B4GALNT1: variants seen among roughly 807,000 people sequenced by gnomAD.
B4GALNT1 encodes beta-1,4-N-acetyl-galactosaminyltransferase 1, also known as beta-1,4 N-acetylgalactosaminyltransferase 1.
In B4GALNT1, 43 loss-of-function variants were observed where a neutral mutation model predicts 55.2. That is an observed-to-expected ratio of 0.78 (90% confidence interval 0.61 to 1.00). The LOEUF (loss-of-function observed/expected upper bound fraction) is 1.00, where lower values mean the gene tolerates loss of function less well. B4GALNT1 is among the 50% of genes least tolerant of loss of function. The probability of loss-of-function intolerance (pLI) is 0.00; values close to 1 mark genes in which losing one functional copy is unlikely to be tolerated. For missense variants in B4GALNT1, 664 were observed against 729.7 expected (o/e 0.91, Z 1.04); for synonymous variants, 305 against 311.6 (o/e 0.98, Z 0.22).
chr12:57,630,993 G>C lies in B4GALNT1; in HGVS notation c.477C>G (p.Ser159Arg), dbSNP rs1166020496. ...LQGVEVQPLRSILVPGLSLQA... is the reference protein window; with the variant it reads ...LQGVEVQPLRRILVPGLSLQA... Reference sequence around the variant, plus strand: ...CCTCCTCCCTACCTGGCACCAAGATGCTCCTGAGGGGCTGAACTTCCACAC... The same window carrying C: ...CCTCCTCCCTACCTGGCACCAAGATCCTCCTGAGGGGCTGAACTTCCACAC... The change falls in exon 4 of 11, where the codon AGC (serine) becomes AGG (arginine). Residue 159 changes from serine (S) to arginine (R), a missense_variant. Physicochemically the swap from Ser to Arg is moderately radical, Grantham distance 110. Coordinates refer to ENST00000341156, the MANE Select transcript of B4GALNT1 (RefSeq NM_001478.5). The C allele has an allele frequency of 1.9e-6, 3 of 1,613,000 alleles. No individual in the cohort carries two copies. Among genetic ancestry groups the C allele is most frequent in the Non-Finnish European group, 2.5e-6 (3 of 1,179,802 alleles).
chr12:57,630,615 TC>T lies in B4GALNT1; in HGVS notation c.491-98del, dbSNP rs967385145. On this transcript the variant is annotated intron_variant, in intron 4 of 10. Coordinates refer to ENST00000341156, the MANE Select transcript of B4GALNT1 (RefSeq NM_001478.5). ...TGTCACCACACACAATAGAGAACTT[TC>T]CACCTATTCTTCTTATTGAGGCCTC... The T allele has an allele frequency of 1.9e-5, 26 of 1,373,526 alleles. No individual in the cohort carries two copies. In the African/African-American group the frequency reaches 3.8e-4, roughly 20 times the overall value. The allele number at this position is 1,373,526 out of a possible 1,614,324, so 85.1% of individuals were successfully genotyped here.
rs1277946029 is a variant in B4GALNT1, at chr12:57,625,074, A to G, written c.*1670T>C. ...GGGGATCCTTGTGCTCAAGGGGTGC[A>G]TGTTCATGCTGTGTTTCGGGAGTGG... is the stretch of plus-strand genomic sequence containing the variant. On this transcript the variant is annotated 3_prime_UTR_variant, in exon 11 of 11. Transcript: ENST00000341156. 2 of 1,613,964 alleles carry G rather than the reference A, an allele frequency of 1.2e-6. No homozygotes were observed. The highest frequency in any genetic ancestry group is 1.7e-6 in the Non-Finnish European group (2 of 1,179,956).
intron 9 of B4GALNT1, 69 bp downstream of exon 9, chr12:57,628,053 C>A: frequency 6.3e-7 from 1 of 1,583,686 alleles, no homozygotes; most frequent in Non-Finnish European, 8.6e-7. Context: ...CTGGCCGCAG[C>A]GCCCCCGCTG....
chr12:57,624,570 T>G lies in B4GALNT1; in HGVS notation c.*2174A>C. 1.5e-6 allele frequency: 1 copy of G among 657,266 alleles called. No homozygotes were observed. The highest frequency in any genetic ancestry group is 1.8e-5 in the African/African-American group (1 of 56,552). The allele number at this position is 657,266 out of a possible 1,614,324, so 40.7% of individuals were successfully genotyped here. On this transcript the variant is annotated 3_prime_UTR_variant, in exon 11 of 11. Coordinates refer to ENST00000341156, the MANE Select transcript of B4GALNT1 (RefSeq NM_001478.5). ...GATTTGGGCCTGGCTGTGGGTGTGG[T>G]CTTCTCCATGATGACTGTGGTCTGC...
Position 57,626,674 on chromosome 12 carries a change from T to G in B4GALNT1, c.*70A>C, listed in dbSNP as rs1594975822. 6.4e-7 allele frequency: 1 copy of G among 1,563,020 alleles called. No individual in the cohort carries two copies. The highest frequency in any genetic ancestry group is 8.8e-7 in the Non-Finnish European group (1 of 1,138,266). On this transcript the variant is annotated 3_prime_UTR_variant, in exon 11 of 11. Transcript: ENST00000341156. ...GTAGAGTGCTCACAGGGTGGTGGGGTTTGTTGGAAATTCCTGGCAGGGACA... is the reference window on the plus strand; with the variant it reads ...GTAGAGTGCTCACAGGGTGGTGGGGGTTGTTGGAAATTCCTGGCAGGGACA...
At chr12:57,628,946 G>A in intron 7 of B4GALNT1, 43 bp from the exon 8 acceptor site, 1 of 1,611,268 alleles carries the variant, frequency 6.2e-7, no homozygotes. Flanking sequence ...AAGGAGGGTT[G>A]GGAGAGGGGA....
intron 4 of B4GALNT1, among the ~76,000 whole-genome samples, 173 bp from the exon 5 acceptor site, chr12:57,630,691 G>A (rs1047770547): frequency 4.6e-5 from 7 of 152,184 alleles, no homozygotes; most frequent in African/African-American, 1.4e-4. Flanking sequence ...TTTTGAGCCC[G>A]TCCCGTCAAA....
In B4GALNT1 at chr12:57,626,910, A is replaced by AC; in HGVS notation, c.1435dup (p.Val479GlyfsTer85). ...CAGTTTGGATGCATGATCCACCACGACGTCGGAGCAGGAGCCAACCCGAAG... is the reference window on the plus strand; with the variant it reads ...CAGTTTGGATGCATGATCCACCACGACCGTCGGAGCAGGAGCCAACCCGAAG... On this transcript the variant is annotated frameshift_variant, in exon 11 of 11. Transcript: ENST00000341156. LOFTEE classifies it high-confidence loss of function. The AC allele has an allele frequency of 6.2e-7, 1 of 1,614,198 alleles. No individual in the cohort carries two copies. The highest frequency in any genetic ancestry group is 8.5e-7 in the Non-Finnish European group (1 of 1,180,022).
At position 57,624,719 on chromosome 12, in the gene B4GALNT1, C is replaced by A. The variant is rs773696352; in HGVS notation, c.*2025G>T. The A allele has an allele frequency of 3.6e-6, 3 of 822,044 alleles. No individual in the cohort carries two copies. The Admixed American group carries it at 5.2e-5, about 14-fold the overall frequency. 50.9% of individuals were successfully genotyped at this position (822,044 alleles called of 1,614,324 possible). On this transcript the variant is annotated 3_prime_UTR_variant, in exon 11 of 11. Transcript: ENST00000341156. ...CTGGAAATCTGGCCCCACCTTCTTC[C>A]CTAGGGTGTAGTGCCTGGCACTTGG...
At position 57,626,838 on chromosome 12, in the gene B4GALNT1, C is replaced by T. The variant is rs199508436; in HGVS notation, c.1508G>A (p.Arg503Gln). Residue 503 changes from arginine (R) to glutamine (Q), a missense_variant, in exon 11 of 11, where the codon CGG (arginine) becomes CAG (glutamine). By Grantham distance (43) the Arg-to-Gln change is conservative. Transcript: ENST00000341156. ...SRDAGAETYARYRYPGSLDES... is the reference protein window; with the variant it reads ...SRDAGAETYAQYRYPGSLDES... ...GTCCAGTGATCCTGGGTAACGGTAC[C>T]GGGCGTAAGTCTCTGCTCCGGCATC... The T allele has an allele frequency of 9.9e-6, 16 of 1,614,194 alleles. No individual in the cohort carries two copies. Among genetic ancestry groups the T allele is most frequent in the South Asian group, 6.6e-5 (6 of 91,078 alleles).
intron 1 of B4GALNT1, 54 bp from the exon 2 acceptor site, chr12:57,632,187 G>A: frequency 2.0e-6 from 3 of 1,466,312 alleles, no homozygotes; most frequent in Middle Eastern, 1.7e-4. Flanking sequence ...GGAGGGCAAG[G>A]GATGGGGCCC....
In B4GALNT1 at chr12:57,628,112, C is replaced by T. The variant is rs956573343; in HGVS notation, c.1143+10G>A. On this transcript the variant is annotated intron_variant, in intron 9 of 10. Transcript: ENST00000341156. ...TTCTCCACCCCCACATCCTGCAGCC[C>T]CTGCCCTACCAGGTCCAGCGGCGTC... 6.2e-7 allele frequency: 1 copy of T among 1,613,468 alleles called. No individual in the cohort carries two copies. Among genetic ancestry groups the T allele is most frequent in the Non-Finnish European group, 8.5e-7 (1 of 1,180,020 alleles).
At position 57,624,736 on chromosome 12, in the gene B4GALNT1, G is replaced by A; in HGVS notation, c.*2008C>T. ...CCTTCTTCCCTAGGGTGTAGTGCCT[G>A]GCACTTGGACAGGCTGAGGGGACAG... On this transcript the variant is annotated 3_prime_UTR_variant, in exon 11 of 11. Transcript: ENST00000341156. 5.7e-6 allele frequency: 5 copies of A among 882,038 alleles called. No homozygotes were observed. The South Asian group carries it at 6.6e-5, about 12-fold the overall frequency. 54.6% of individuals were successfully genotyped at this position (882,038 alleles called of 1,614,324 possible).
chr12:57,627,802 C>G lies in B4GALNT1; in HGVS notation c.1200G>C (p.Leu400=), dbSNP rs1884932541. ...SGFATTYRQL[L]SVEPGAPGLG... ...GGCCTGGGGCGCCGGGCTCCACGCT[C>G]AGCAGCTGCCGATAAGTGGTGGCAA... The change falls in exon 10 of 11, where the codon CTG becomes CTC. Residue 400 remains leucine, a synonymous_variant. Transcript: ENST00000341156. 1.3e-6 allele frequency: 2 copies of G among 1,596,220 alleles called. No homozygotes were observed. The highest frequency in any genetic ancestry group is 2.7e-5 in the African/African-American group (2 of 74,774).
intron 8 of B4GALNT1, 170 bp downstream of exon 8, chr12:57,628,543 G>A: frequency 3.3e-6 from 3 of 903,572 alleles, no homozygotes; most frequent in East Asian, 2.7e-5. Context: ...AGAATTCAGA[G>A]AGAATTTCCT....
In B4GALNT1 at chr12:57,625,641, C is replaced by T. The variant is rs757181276; in HGVS notation, c.*1103G>A. 4.4e-6 allele frequency: 7 copies of T among 1,592,870 alleles called. No individual in the cohort carries two copies. The Admixed American group carries it at 6.9e-5, about 16-fold the overall frequency. On this transcript the variant is annotated 3_prime_UTR_variant, in exon 11 of 11. Transcript: ENST00000341156. ...CCTGGACAGGGTGACTCCAGATCAG[C>T]TGTTTGTGAGTGTGCAGGATGCAGC...
Position 57,630,128 on chromosome 12 carries a change from C to T in B4GALNT1, c.712+24G>A, listed in dbSNP as rs748435997. The T allele has an allele frequency of 1.4e-5, 23 of 1,614,096 alleles. 1 individual carries two copies. Among genetic ancestry groups the T allele is most frequent in the Middle Eastern group, 3.3e-4 (2 of 6,084 alleles). On this transcript the variant is annotated intron_variant, in intron 6 of 10. Coordinates refer to ENST00000341156, the MANE Select transcript of B4GALNT1 (RefSeq NM_001478.5). Reference sequence around the variant, plus strand: ...TTCTTCTCTGTTTGCCCAGCCTGCCCGTCTCTCCACCCAGGCCTTGCACCT... The same window carrying T: ...TTCTTCTCTGTTTGCCCAGCCTGCCTGTCTCTCCACCCAGGCCTTGCACCT...
rs372122596 is a variant in B4GALNT1, at chr12:57,631,322, C to G, written c.261G>C (p.Gly87=). The change falls in exon 3 of 11, where the codon GGG becomes GGC. Residue 87 remains glycine (G), a synonymous_variant. Transcript: ENST00000341156. ...WNNCSCESSG[G]GLPLPFQKQV... ...GTTTCTGGAAGGGGAGGGGGAGGCCCCCCCCACTGGACTCACAACTGCAGT... is the reference window on the plus strand; with the variant it reads ...GTTTCTGGAAGGGGAGGGGGAGGCCGCCCCCACTGGACTCACAACTGCAGT... 6.2e-7 allele frequency: 1 copy of G among 1,613,854 alleles called. No homozygotes were observed. The highest frequency in any genetic ancestry group is 1.3e-5 in the African/African-American group (1 of 74,860).
Position 57,626,571 on chromosome 12 carries a change from G to T in B4GALNT1, c.*173C>A. 1.4e-6 allele frequency: 1 copy of T among 714,376 alleles called. No individual in the cohort carries two copies. Among genetic ancestry groups the T allele is most frequent in the Non-Finnish European group, 2.3e-6 (1 of 429,688 alleles). The allele number at this position is 714,376 out of a possible 1,614,324, so 44.3% of individuals were successfully genotyped here. A position where few individuals can be genotyped will look rare whatever the true frequency, so the allele number is the denominator to read the frequency against. On this transcript the variant is annotated 3_prime_UTR_variant, in exon 11 of 11. Transcript: ENST00000341156. ...GCCTCTGGGCACTGGAAAAAGGAGG[G>T]GTGTCACCAGGACAACCCCTACTGG...
Sources: allele counts gnomAD v4.1 joint callset (sites outside exome capture counted in the v4.1 genomes callset), GRCh38; gene constraint gnomAD v4.1.1; transcripts MANE v1.5; gene names NCBI Gene and HGNC (gene_info 2026-07-23, HGNC 2026-07-21).